Variants in CPEB1 observed in about 807,000 individuals in gnomAD.
CPEB1 encodes cytoplasmic polyadenylation element binding protein 1, also known as cytoplasmic polyadenylation element-binding protein 1.
Under a neutral mutation model 65.8 loss-of-function variants are expected in CPEB1, and 7 were observed. That is an observed-to-expected ratio of 0.11 (90% CI 0.06 to 0.20). The LOEUF (loss-of-function observed/expected upper bound fraction) is 0.20, where lower values mean the gene tolerates loss of function less well. CPEB1 is among the 10% of genes least tolerant of loss of function. The pLI is 1.00. For synonymous variants in CPEB1, 262 were observed against 260.0 expected, an observed-to-expected ratio of 1.01 and a Z score of -0.08; for missense variants, 551 against 712.2, an observed-to-expected ratio of 0.77 and a Z score of 2.58.
chr15:82,590,696 A>G (rs1233016353), intron 3 of CPEB1, among the ~76,000 whole-genome samples: 1 of 152,130 alleles, frequency 6.6e-6, no homozygotes, highest in Non-Finnish European at 1.5e-5. Context: ...AATGGGCACC[A>G]GTGTCTATTG....
At chr15:82,617,615 A>G (rs1251538715) in intron 3 of CPEB1, among the ~76,000 whole-genome samples, 3 of 152,162 alleles carry the variant, frequency 2.0e-5, no homozygotes, top group Non-Finnish European at 2.9e-5. Context: ...CAAATGCACA[A>G]TAATAATGTA....
At chr15:82,648,445 C>T (rs1009300027), upstream of CPEB1, 2 of 152,360 alleles carry the variant, frequency 1.3e-5, no homozygotes, top group Non-Finnish European at 2.9e-5. Context: ...TCACTTTAGA[C>T]CCTCTGCTCC....
At chr15:82,616,281 G>A (rs1429468242) in intron 3 of CPEB1, among the ~76,000 whole-genome samples, 2 of 152,006 alleles carry the variant, frequency 1.3e-5, no homozygotes, top group Non-Finnish European at 2.9e-5. Flanking sequence ...TTTCCTCAGT[G>A]TATGTTTTAT....
At chr15:82,581,046 T>G (rs1476000140) in intron 3 of CPEB1, among the ~76,000 whole-genome samples, 1 of 152,178 alleles carries the variant, frequency 6.6e-6, no homozygotes, top group Non-Finnish European at 1.5e-5. Context: ...CTCCCCATGT[T>G]GCCCAGGCTG....
At position 82,647,267 on chromosome 15, in the gene CPEB1, GTGACC is replaced by G. The variant is rs2047649108; in HGVS notation, c.-233_-229del. ...GCGCCAAGCGAAGGTGTGAAGCCAC[GTGACC>G]TGCCCAGGATTGGGAAGCCGCACGA... On this transcript the variant is annotated 5_prime_UTR_variant, in exon 1 of 13. Transcript: ENST00000684509. 1.3e-5 allele frequency: 2 copies of G among 152,166 alleles called. No individual in the cohort carries two copies. The highest frequency in any genetic ancestry group is 1.3e-4 in the Admixed American group (2 of 15,278). The allele number at this position is 152,166 out of a possible 1,614,324, so 9.4% of individuals were successfully genotyped here.
intron 4 of CPEB1, among the ~76,000 whole-genome samples, chr15:82,561,617 A>C (rs932755665): frequency 6.6e-6 from 1 of 152,238 alleles, no homozygotes; most frequent in Non-Finnish European, 1.5e-5. Context: ...CAAAAAAGCA[A>C]CATGGTAAGC....
upstream of CPEB1, chr15:82,647,992 A>T (rs1271335901): frequency 1.3e-6 from 1 of 761,384 alleles, no homozygotes; most frequent in East Asian, 3.6e-5. Context: ...CCGGCAGCTT[A>T]TGAAGCTCCT....
intron 4 of CPEB1, among the ~76,000 whole-genome samples, chr15:82,568,438 T>A (rs565239110): frequency 1.3e-5 from 2 of 152,228 alleles, no homozygotes; most frequent in South Asian, 4.1e-4. Context: ...GCCCCCAAAG[T>A]CTTCCTCCCC....
chr15:82,641,878 T>C (rs961280681), intron 1 of CPEB1, among the ~76,000 whole-genome samples: 3 of 152,172 alleles, frequency 2.0e-5, no homozygotes, highest in African/African-American at 4.8e-5. Flanking sequence ...AACCACATTA[T>C]ATATTAGGGT....
chr15:82,648,685 C>T (rs587717343), upstream of CPEB1: 100 of 153,048 alleles, frequency 6.5e-4, no homozygotes, highest in Non-Finnish European at 1.2e-3. Flanking sequence ...AACGCAGAGT[C>T]GGAGATGGCA....
intron 4 of CPEB1, among the ~76,000 whole-genome samples, chr15:82,564,666 A>G (rs752397282): frequency 7.2e-5 from 11 of 152,178 alleles, no homozygotes; most frequent in Non-Finnish European, 1.6e-4. Context: ...TACCCAGCCC[A>G]TCGCCAAAAC....
chr15:82,610,951 C>G (rs1412913615), intron 3 of CPEB1, among the ~76,000 whole-genome samples: 1 of 82,118 alleles, frequency 1.2e-5, no homozygotes, highest in Non-Finnish European at 2.1e-5. Context: ...GAGTGAGACT[C>G]CAGTCTCAAA....
In CPEB1 at chr15:82,552,575, A is replaced by T; in HGVS notation, c.1186T>A (p.Ser396Thr). Residue 396 changes from serine to threonine, a missense_variant, in exon 9 of 13, where the codon TCC (serine) becomes ACC (threonine). Ser to Thr is a moderately conservative substitution (Grantham distance 58). This residue lies in a region of CPEB1 where 99 missense variants were observed against 161.3 expected (regional missense o/e 0.61). Coordinates refer to ENST00000684509, the MANE Select transcript of CPEB1 (RefSeq NM_001365242.1). ...TCATGAGAGCAAGCCTGAAGCAAGG[A>T]TCGGACAGACTTCTCTAGTTCGAAG... ...LVFELEKSVR[S>T]LLQACSHDPL... 2 of 1,614,008 alleles carry T rather than the reference A, an allele frequency of 1.2e-6. No homozygotes were observed. Among genetic ancestry groups the T allele is most frequent in the Non-Finnish European group, 1.7e-6 (2 of 1,179,940 alleles).
chr15:82,552,932 G>C (rs533437156), intron 8 of CPEB1, among the ~76,000 whole-genome samples: 4 of 152,346 alleles, frequency 2.6e-5, no homozygotes, highest in East Asian at 1.9e-4. Context: ...TGGCAGGAAA[G>C]ATGGCAGGTA....
chr15:82,647,609 GC>G, upstream of CPEB1: 1 of 329,382 alleles, frequency 3.0e-6, no homozygotes, highest in Non-Finnish European at 5.5e-6. Flanking sequence ...CCCACCGGCC[GC>G]CCCCGCAGGG....
At chr15:82,625,419 A>G (rs2045673686) in intron 3 of CPEB1, among the ~76,000 whole-genome samples, 1 of 151,812 alleles carries the variant, frequency 6.6e-6, no homozygotes, top group Non-Finnish European at 1.5e-5. Flanking sequence ...CTGCTCACAT[A>G]CTCCTGCATT....
chr15:82,579,262 G>C (rs758564540), intron 3 of CPEB1, among the ~76,000 whole-genome samples: 3 of 152,092 alleles, frequency 2.0e-5, no homozygotes, highest in Non-Finnish European at 4.4e-5. Context: ...AGGAGTTCAA[G>C]ACTGCCTGGG....
chr15:82,563,573 C>A (rs2038615214), intron 4 of CPEB1, among the ~76,000 whole-genome samples: 1 of 149,626 alleles, frequency 6.7e-6, no homozygotes, highest in Non-Finnish European at 1.5e-5. Context: ...AACTCCTGGG[C>A]TCAAGCAATC....
chr15:82,546,266 C>A (rs968186133), intron 12 of CPEB1, among the ~76,000 whole-genome samples, 175 bp downstream of exon 12: 3 of 152,184 alleles, frequency 2.0e-5, no homozygotes, highest in Non-Finnish European at 4.4e-5. Context: ...CCTGCCACCA[C>A]GCCAGGCTAA....
Sources: allele counts gnomAD v4.1 joint callset (sites outside exome capture counted in the v4.1 genomes callset), GRCh38; gene constraint gnomAD v4.1.1; regional missense constraint gnomAD v4.1.1; transcripts MANE v1.5; gene names NCBI Gene and HGNC (gene_info 2026-07-23, HGNC 2026-07-21).